ARHGAP45: variants seen among roughly 807,000 people sequenced by gnomAD.
The protein encoded by ARHGAP45 is Rho GTPase activating protein 45.
Under a neutral mutation model 116.1 loss-of-function variants are expected in ARHGAP45, and 56 were observed. The observed-to-expected ratio is 0.48, with a 90% CI of 0.39 to 0.60. The LOEUF is 0.60. Ranked by LOEUF, ARHGAP45 falls within the 20% of genes least tolerant of loss-of-function variation. The pLI is 0.00. For missense variants in ARHGAP45, 1,622 were observed against 1,601.0 expected (o/e 1.01, Z -0.22); for synonymous variants, 866 against 701.7 (o/e 1.23, Z -3.70).
At chr19:1,084,948 G>A (rs1414199349) in intron 22 of ARHGAP45, among the ~76,000 whole-genome samples, 1 of 152,192 alleles carries the variant, frequency 6.6e-6, no homozygotes, top group East Asian at 1.9e-4. Context: ...CAGGTGTGGT[G>A]GAGGGCACCT....
chr19:1,084,527 C>T (rs1339764875), intron 22 of ARHGAP45, among the ~76,000 whole-genome samples, 181 bp downstream of exon 22: 1 of 152,218 alleles, frequency 6.6e-6, no homozygotes, highest in East Asian at 1.9e-4. Context: ...TAACCGGCTG[C>T]AAAAACAGGC....
At position 1,073,262 on chromosome 19, in the gene ARHGAP45, G is replaced by A. The variant is rs762776561; in HGVS notation, c.535G>A (p.Ala179Thr). ...PLLNTVETLTAAGTLIAKVKA... is the reference protein window; with the variant it reads ...PLLNTVETLTTAGTLIAKVKA... Reference sequence around the variant, plus strand: ...GCTGAACACCGTGGAGACGCTCACCGCAGCCGGCACCCTCATTGCCAAGGT... The same window carrying A: ...GCTGAACACCGTGGAGACGCTCACCACAGCCGGCACCCTCATTGCCAAGGT... The change falls in exon 3 of 23, where the codon GCA (alanine) becomes ACA (threonine). Residue 179 changes from alanine (A) to threonine (T), a missense_variant. Ala to Thr is a moderately conservative substitution (Grantham distance 58). Around this residue, in one of 3 missense-constraint regions of ARHGAP45, gnomAD observed 279 missense variants for 311.9 expected, o/e 0.89. Transcript: ENST00000313093. 4.3e-6 allele frequency: 7 copies of A among 1,613,598 alleles called. No homozygotes were observed. Among genetic ancestry groups the A allele is most frequent in the Admixed American group, 1.7e-5 (1 of 60,020 alleles).
intron 17 of ARHGAP45, among the ~76,000 whole-genome samples, 194 bp downstream of exon 17, chr19:1,081,258 C>T (rs2043425304): frequency 1.3e-5 from 2 of 152,000 alleles, no homozygotes; most frequent in Admixed American, 1.3e-4. Context: ...TCTGAGGCAG[C>T]GAGGCAGGGG....
At chr19:1,078,470 T>C (rs2043331245) in intron 11 of ARHGAP45, among the ~76,000 whole-genome samples, 1 of 132,634 alleles carries the variant, frequency 7.5e-6, no homozygotes, top group Non-Finnish European at 1.6e-5. Context: ...CAGAGTCTCA[T>C]TCTGTTGCCC....
upstream of ARHGAP45, among the ~76,000 whole-genome samples, chr19:1,066,827 GT>G (rs1268417918): frequency 1.2e-4 from 12 of 97,378 alleles, no homozygotes; most frequent in African/African-American, 5.6e-4. Flanking sequence ...AGGAGAGGCG[GT>G]GGAGCGGGCT....
At chr19:1,073,444 C>A (rs953019201) in intron 3 of ARHGAP45, 62 bp from the exon 4 acceptor site, 14 of 1,581,102 alleles carry the variant, frequency 8.9e-6, no homozygotes, top group Non-Finnish European at 1.2e-5. Context: ...CCGGTCAGTT[C>A]TTGCAGGGAT....
In ARHGAP45 at chr19:1,068,961, A is replaced by T. The variant is rs1254348023; in HGVS notation, c.421+217A>T. Among the ~76,000 whole-genome samples, 6 of 47,676 alleles carry T rather than the reference A, an allele frequency of 1.3e-4. No homozygotes were observed. The highest frequency in any genetic ancestry group is 8.1e-4 in the Admixed American group (4 of 4,936). The allele number at this position is 47,676 out of a possible 152,430, so 31.3% of individuals were successfully genotyped here. On this transcript the variant is annotated intron_variant, in intron 2 of 22. Coordinates refer to ENST00000313093, the MANE Select transcript of ARHGAP45 (RefSeq NM_012292.5). The surrounding 1 kb of genome is among the most constrained non-coding windows in gnomAD (Gnocchi z 7.5). ...ACTGGCTCAAGAGGGTGCCCACTTT[A>T]TTTTTTTTAAAGGATCTGATGGCAA...
chr19:1,073,161 C>T lies in ARHGAP45; in HGVS notation c.434C>T (p.Ala145Val). ...ECVLRDDLLEARRPRAHECLG... is the reference protein window; with the variant it reads ...ECVLRDDLLEVRRPRAHECLG... ...CTCTCCCCAGCAGACCTCCTTGAGG[C>T]CCGCCGCCCGCGGGCCCACGAGTGC... The change falls in exon 3 of 23, where the codon GCC becomes GTC. Residue 145 changes from alanine to valine, a missense_variant. Ala to Val is a moderately conservative substitution (Grantham distance 64, BLOSUM62 0). Around this residue, in one of 3 missense-constraint regions of ARHGAP45, gnomAD observed 279 missense variants for 311.9 expected, o/e 0.89. Coordinates refer to ENST00000313093, the MANE Select transcript of ARHGAP45 (RefSeq NM_012292.5). The T allele has an allele frequency of 6.2e-7, 1 of 1,607,266 alleles. No homozygotes were observed.
At chr19:1,078,310 A>T (rs374674358) in intron 11 of ARHGAP45, among the ~76,000 whole-genome samples, 42 of 150,878 alleles carry the variant, frequency 2.8e-4, no homozygotes, top group African/African-American at 1.0e-3. Context: ...CGCCTGGCTA[A>T]TTTTTTGTAT....
chr19:1,073,260 C>T lies in ARHGAP45; in HGVS notation c.533C>T (p.Thr178Ile), dbSNP rs765007544. Residue 178 changes from threonine to isoleucine, a missense_variant, in exon 3 of 23, where the codon ACC (threonine) becomes ATC (isoleucine). Physicochemically the swap from Thr to Ile is moderately conservative, Grantham distance 89. Coordinates refer to ENST00000313093, the MANE Select transcript of ARHGAP45 (RefSeq NM_012292.5). ...CTGCTGAACACCGTGGAGACGCTCA[C>T]CGCAGCCGGCACCCTCATTGCCAAG... ...YPLLNTVETLTAAGTLIAKVK... is the reference protein window; with the variant it reads ...YPLLNTVETLIAAGTLIAKVK... The T allele has an allele frequency of 1.2e-6, 2 of 1,613,672 alleles. No homozygotes were observed. Among genetic ancestry groups the T allele is most frequent in the South Asian group, 1.1e-5 (1 of 91,088 alleles).
chr19:1,069,843 G>T lies in ARHGAP45; in HGVS notation c.421+1099G>T, dbSNP rs1282517864. Among the ~76,000 whole-genome samples the T allele has an allele frequency of 1.3e-5, 2 of 149,830 alleles. No individual in the cohort carries two copies. The highest frequency in any genetic ancestry group is 2.5e-5 in the African/African-American group (1 of 40,712). On this transcript the variant is annotated intron_variant, in intron 2 of 22. Transcript: ENST00000313093. This position sits in a 1 kb window ranked among gnomAD's most constrained non-coding sequence, Gnocchi z 4.1. Reference sequence around the variant, plus strand: ...TTTTTTTTTTTTTTTTTGATACAGGGTCTTGCTCTGTTGCCCAGGCTGGAG... The same window carrying T: ...TTTTTTTTTTTTTTTTTGATACAGGTTCTTGCTCTGTTGCCCAGGCTGGAG...
intron 10 of ARHGAP45, 75 bp downstream of exon 10, chr19:1,074,954 A>G: frequency 7.7e-7 from 1 of 1,297,628 alleles, no homozygotes; most frequent in Non-Finnish European, 1.0e-6. Context: ...CCCCAGCCCC[A>G]TAGCGAGGGC....
rs998708757 is a variant in ARHGAP45 at position 1,071,124 on chromosome 19, G to A, written c.422-2025G>A. ...ACCCTCCCCACCTCGAAGCTCTGCG[G>A]TTAAGGAAGGACCCAGGCTGGGGCG... On this transcript the variant is annotated intron_variant, in intron 2 of 22. Coordinates refer to ENST00000313093, the MANE Select transcript of ARHGAP45 (RefSeq NM_012292.5). The surrounding 1 kb of genome is among the most constrained non-coding windows in gnomAD (Gnocchi z 4.6). 1.6e-5 allele frequency: 19 copies of A among 1,216,600 alleles called. No individual in the cohort carries two copies. The highest frequency in any genetic ancestry group is 3.3e-5 in the African/African-American group (2 of 60,776). 75.4% of individuals were successfully genotyped at this position (1,216,600 alleles called of 1,614,324 possible). A position where few individuals can be genotyped will look rare whatever the true frequency, so the allele number is the denominator to read the frequency against.
chr19:1,080,930 G>A lies in ARHGAP45; in HGVS notation c.2056G>A (p.Val686Met), dbSNP rs370399922. ...NGMTPELPVA[V>M]PSGPFRHEGL... ...CATGACCCCCGAGCTGCCGGTGGCC[G>A]TGCCCAGTGGACCGTTCCGCCACGA... The change falls in exon 17 of 23, where the codon GTG (valine) becomes ATG (methionine). Residue 686 changes from valine (V) to methionine (M), a missense_variant. Coordinates refer to ENST00000313093, the MANE Select transcript of ARHGAP45 (RefSeq NM_012292.5). The A allele has an allele frequency of 5.6e-6, 9 of 1,609,074 alleles. No individual in the cohort carries two copies. In the African/African-American group the frequency reaches 1.1e-4, roughly 19 times the overall value.
intron 22 of ARHGAP45, 58 bp downstream of exon 22, chr19:1,084,404 C>T: frequency 2.2e-6 from 3 of 1,350,326 alleles, no homozygotes; most frequent in Non-Finnish European, 2.1e-6. Flanking sequence ...CACCCATGGG[C>T]GCAGGTGCCA....
intron 19 of ARHGAP45, 30 bp from the exon 20 acceptor site, chr19:1,082,810 C>A: frequency 6.8e-7 from 1 of 1,460,910 alleles, no homozygotes; most frequent in Admixed American, 2.7e-5. Flanking sequence ...CCAGGCCCAC[C>A]AACACCTGCT....
intron 18 of ARHGAP45, 39 bp from the exon 19 acceptor site, chr19:1,081,785 C>T (rs2043446168): frequency 6.3e-7 from 1 of 1,578,890 alleles, no homozygotes; most frequent in African/African-American, 1.3e-5. Flanking sequence ...CGGGAGTGGG[C>T]CGAGGCTGAT....
chr19:1,081,718 C>T lies in ARHGAP45; in HGVS notation c.2359C>T (p.Arg787Trp), dbSNP rs984188443. 5 of 1,571,174 alleles carry T rather than the reference C, an allele frequency of 3.2e-6. No individual in the cohort carries two copies. Among genetic ancestry groups the T allele is most frequent in the Non-Finnish European group, 4.3e-6 (5 of 1,158,266 alleles). ...IVKKCVCEIERRALRTKGIYR... is the reference protein window; with the variant it reads ...IVKKCVCEIEWRALRTKGIYR... ...CAAGAAGTGCGTCTGCGAGATCGAG[C>T]GGCGGGCGCTGCGCACCAAGGTGAG... Residue 787 changes from arginine to tryptophan, a missense_variant, in exon 18 of 23, where the codon CGG (arginine) becomes TGG (tryptophan). Physicochemically the swap from Arg to Trp is moderately radical, Grantham distance 101. Coordinates refer to ENST00000313093, the MANE Select transcript of ARHGAP45 (RefSeq NM_012292.5).
chr19:1,073,936 T>C lies in ARHGAP45; in HGVS notation c.724-12T>C. On this transcript the variant is annotated splice_polypyrimidine_tract_variant and intron_variant, in intron 5 of 22. Transcript: ENST00000313093. ...GCATGGGGCTGGTCTCACCTGCGTC[T>C]CCGTCCTACAGTCCATGGAAAGCCT... is the stretch of plus-strand genomic sequence containing the variant. The C allele has an allele frequency of 6.4e-7, 1 of 1,553,652 alleles. No homozygotes were observed.
Sources: allele counts gnomAD v4.1 joint callset (sites outside exome capture counted in the v4.1 genomes callset), GRCh38; gene constraint gnomAD v4.1.1; regional missense constraint gnomAD v4.1.1; non-coding constraint Gnocchi (gnomAD v3.1); transcripts MANE v1.5; gene names NCBI Gene and HGNC (gene_info 2026-07-23, HGNC 2026-07-21).